AKAP9: variants seen among roughly 807,000 people sequenced by gnomAD.
The protein encoded by AKAP9 is A-kinase anchoring protein 9.
Under a neutral mutation model 488.5 loss-of-function variants are expected in AKAP9, and 311 were observed. That is an observed-to-expected ratio of 0.64 (90% CI 0.58 to 0.70). The LOEUF is 0.70. Among genes scored for constraint, AKAP9 ranks in the 30% least tolerant of loss-of-function variants. The pLI, the probability that AKAP9 is intolerant of heterozygous loss-of-function variation, is 0.00. For synonymous variants in AKAP9, 1,462 were observed against 1,483.5 expected (o/e 0.99, Z 0.33); for missense variants, 4,215 against 4,374.5 (o/e 0.96, Z 1.03).
chr7:92,092,769 C>G (rs952260988), intron 38 of AKAP9: 1 of 265,092 alleles, frequency 3.8e-6, no homozygotes, highest in African/African-American at 2.2e-5. Context: ...ACCTCAGCCT[C>G]CTGAGTCGAT....
chr7:92,037,482 A>G (rs992283344), intron 16 of AKAP9, among the ~76,000 whole-genome samples: 1 of 152,238 alleles, frequency 6.6e-6, no homozygotes, highest in Non-Finnish European at 1.5e-5. Flanking sequence ...TTCTGGGTTT[A>G]TTACAGCCAG....
chr7:91,978,570 C>T (rs893680133), intron 2 of AKAP9, among the ~76,000 whole-genome samples: 1 of 152,164 alleles, frequency 6.6e-6, no homozygotes, highest in Non-Finnish European at 1.5e-5. Context: ...AAGCTACTCA[C>T]TTCATACCCA....
At chr7:91,957,059 C>T (rs1055519327) in intron 1 of AKAP9, among the ~76,000 whole-genome samples, 1 of 152,062 alleles carries the variant, frequency 6.6e-6, no homozygotes, top group African/African-American at 2.4e-5. Context: ...ACGCGAATAA[C>T]TACTTCCTGA....
chr7:92,078,998 GT>G, intron 30 of AKAP9, 80 bp from the exon 31 acceptor site: 1 of 858,858 alleles, frequency 1.2e-6, no homozygotes, highest in East Asian at 2.7e-5. Context: ...TCTCTTTGAG[GT>G]ACTGCCCTAA....
intron 40 of AKAP9, among the ~76,000 whole-genome samples, chr7:92,095,879 T>C (rs1816484400): frequency 6.6e-6 from 1 of 152,212 alleles, no homozygotes; most frequent in African/African-American, 2.4e-5. Flanking sequence ...TAGGTACCAA[T>C]TATAGTTTTT....
chr7:92,074,672 C>G (rs1047068914), intron 28 of AKAP9, among the ~76,000 whole-genome samples: 20 of 152,112 alleles, frequency 1.3e-4, no homozygotes, highest in African/African-American at 4.3e-4. Flanking sequence ...CCATGGAATA[C>G]TATGAAGCCA....
At position 92,038,697 on chromosome 7, in the gene AKAP9, A is replaced by G; in HGVS notation, c.4617A>G (p.Pro1539=). 1.9e-6 allele frequency: 3 copies of G among 1,607,606 alleles called. No individual in the cohort carries two copies. The highest frequency in any genetic ancestry group is 1.1e-5 in the South Asian group (1 of 89,666). The change falls in exon 17 of 50, where the codon CCA becomes CCG. Residue 1539 remains proline, a synonymous_variant. Coordinates refer to ENST00000356239, the MANE Select transcript of AKAP9 (RefSeq NM_005751.5). ...CAAATAGTGATCCCCATGATATACCAGAATCAAAGGACTGTGTGCTGACTA... is the reference window on the plus strand; with the variant it reads ...CAAATAGTGATCCCCATGATATACCGGAATCAAAGGACTGTGTGCTGACTA... ...LLSNSDPHDI[P]ESKDCVLTIS...
intron 24 of AKAP9, 51 bp downstream of exon 24, chr7:92,062,537 T>C: frequency 6.6e-7 from 1 of 1,526,138 alleles, no homozygotes; most frequent in South Asian, 1.1e-5. Flanking sequence ...TTATTTGTAT[T>C]CTTCAAAGGC....
intron 12 of AKAP9, among the ~76,000 whole-genome samples, chr7:92,019,000 C>T (rs1801941704): frequency 6.6e-6 from 1 of 152,178 alleles, no homozygotes; most frequent in South Asian, 2.1e-4. Context: ...TGGGGATTGT[C>T]TTAGATAGTC....
At chr7:92,088,715 C>T (rs547448134) in intron 37 of AKAP9, among the ~76,000 whole-genome samples, 4 of 152,172 alleles carry the variant, frequency 2.6e-5, no homozygotes, top group Non-Finnish European at 5.9e-5. Flanking sequence ...CCTATCCATA[C>T]ATGTGATCAA....
chr7:92,023,243 T>C (rs1006315806), intron 14 of AKAP9, among the ~76,000 whole-genome samples: 3 of 152,244 alleles, frequency 2.0e-5, no homozygotes, highest in African/African-American at 7.2e-5. Flanking sequence ...TTTTACATTA[T>C]AAAGATGTTG....
chr7:92,023,485 C>T (rs942171960), intron 14 of AKAP9, among the ~76,000 whole-genome samples: 3 of 152,134 alleles, frequency 2.0e-5, no homozygotes, highest in Non-Finnish European at 2.9e-5. Flanking sequence ...ATCCATCTGT[C>T]GTTACTCCTC....
Position 92,110,517 on chromosome 7 carries a change from A to G in AKAP9, c.*358A>G, listed in dbSNP as rs796576618. 5 of 286,522 alleles carry G rather than the reference A, an allele frequency of 1.7e-5. No homozygotes were observed. The highest frequency in any genetic ancestry group is 1.1e-4 in the African/African-American group (5 of 46,284). 17.7% of individuals were successfully genotyped at this position (286,522 alleles called of 1,614,324 possible). On this transcript the variant is annotated 3_prime_UTR_variant, in exon 50 of 50. Transcript: ENST00000356239. ...TGTCCTGCACTTTTCTTATAAGGCT[A>G]CTGAAGTTACATGTTTTGCCTAATA...
At position 92,002,280 on chromosome 7, in the gene AKAP9, A is replaced by C. The variant is rs372076987; in HGVS notation, c.2363A>C (p.Glu788Ala). The change falls in exon 8 of 50, where the codon GAA becomes GCA. Residue 788 changes from glutamate (E) to alanine (A), a missense_variant. Physicochemically the swap from Glu to Ala is moderately radical, Grantham distance 107 (BLOSUM62 -1). Transcript: ENST00000356239. The stretch of plus-strand genomic sequence containing the variant: ...CTTAAAGATGAAAAGAAAACCCTTG[A>C]AGACATGTTGAAAATACATACTCCT... ...SILKDEKKTL[E>A]DMLKIHTPVS... is the part of the protein sequence containing the mutation. 4.8e-5 allele frequency: 78 copies of C among 1,611,046 alleles called. No individual in the cohort carries two copies. Among genetic ancestry groups the C allele is most frequent in the Non-Finnish European group, 6.4e-5 (76 of 1,178,878 alleles).
At chr7:92,106,419 G>T (rs1307887696) in intron 47 of AKAP9, among the ~76,000 whole-genome samples, 1 of 55,396 alleles carries the variant, frequency 1.8e-5, no homozygotes, top group African/African-American at 8.6e-5. Flanking sequence ...AGAATGGCCA[G>T]TAGGGAAGTG....
intron 38 of AKAP9, 93 bp downstream of exon 38, chr7:92,089,622 T>A: frequency 7.4e-7 from 1 of 1,344,816 alleles, no homozygotes; most frequent in Non-Finnish European, 1.0e-6. Context: ...AAAACATATT[T>A]TCTTGGTCAC....
chr7:92,025,577 T>C (rs563312221), intron 14 of AKAP9, among the ~76,000 whole-genome samples: 1 of 152,330 alleles, frequency 6.6e-6, no homozygotes, highest in South Asian at 2.1e-4. Flanking sequence ...AATCATTCTT[T>C]TAACAAATAT....
At chr7:92,025,310 AC>A (rs1234703740) in intron 14 of AKAP9, among the ~76,000 whole-genome samples, 1 of 152,168 alleles carries the variant, frequency 6.6e-6, no homozygotes, top group African/African-American at 2.4e-5. Context: ...CTGCAAGCTC[AC>A]CACCCTCTCT....
intron 49 of AKAP9, 125 bp downstream of exon 49, chr7:92,108,758 T>A: frequency 8.6e-7 from 1 of 1,159,284 alleles, no homozygotes; most frequent in Non-Finnish European, 1.3e-6. Context: ...GAGCTAATTA[T>A]TAAGTTAGCC....
Sources: allele counts gnomAD v4.1 joint callset (sites outside exome capture counted in the v4.1 genomes callset), GRCh38; gene constraint gnomAD v4.1.1; transcripts MANE v1.5; gene names NCBI Gene and HGNC (gene_info 2026-07-23, HGNC 2026-07-21).